Variants in NELL2 observed in about 807,000 individuals in gnomAD.
NELL2 encodes the protein protein kinase C-binding protein NELL2.
In NELL2, 41 loss-of-function variants were observed where a neutral mutation model predicts 109.6. That is an observed-to-expected ratio of 0.37 (90% CI 0.29 to 0.49). The LOEUF (loss-of-function observed/expected upper bound fraction) is 0.49. Among genes scored for constraint, NELL2 ranks in the 20% least tolerant of loss-of-function variants. The pLI is 0.98. For synonymous variants in NELL2, 355 were observed against 344.7 expected, an observed-to-expected ratio of 1.03 and a Z score of -0.33; for missense variants, 900 against 1,008.3, an observed-to-expected ratio of 0.89 and a Z score of 1.45.
chr12:44,858,971 A>T (rs1051072751), intron 2 of NELL2, among the ~76,000 whole-genome samples: 15 of 152,218 alleles, frequency 9.9e-5, no homozygotes, highest in Non-Finnish European at 2.1e-4. Context: ...CAAAACACTC[A>T]ATACTTGATT....
chr12:44,654,324 C>CT (rs1947411989), intron 13 of NELL2, among the ~76,000 whole-genome samples: 1 of 152,134 alleles, frequency 6.6e-6, no homozygotes, highest in Admixed American at 6.5e-5. Context: ...TTTTACTACT[C>CT]TAACTCTCTC....
At chr12:44,856,108 G>A (rs570055891) in intron 2 of NELL2, among the ~76,000 whole-genome samples, 1 of 152,308 alleles carries the variant, frequency 6.6e-6, no homozygotes, top group East Asian at 1.9e-4. Context: ...ACCATGGTAG[G>A]CCAGGAGGCT....
intron 13 of NELL2, among the ~76,000 whole-genome samples, chr12:44,657,793 T>C (rs1218482471): frequency 6.6e-6 from 1 of 152,234 alleles, no homozygotes; most frequent in African/African-American, 2.4e-5. Context: ...CCCATGTCCC[T>C]GCAAAGGACA....
chr12:44,568,244 C>G (rs1017846786), intron 15 of NELL2, among the ~76,000 whole-genome samples: 2 of 152,110 alleles, frequency 1.3e-5, no homozygotes, highest in Non-Finnish European at 2.9e-5. Context: ...AGCAGAGTAT[C>G]ACAATTTCAT....
Position 44,600,127 on chromosome 12 carries a change from A to T in NELL2, c.1663+7042T>A, listed in dbSNP as rs967164721. 4.1e-4 allele frequency among the ~76,000 whole-genome samples: 54 copies of T among 132,218 alleles called. 1 individual carries two copies. Among genetic ancestry groups the T allele is most frequent in the Middle Eastern group, 3.6e-3 (1 of 276 alleles). The allele number at this position is 132,218 out of a possible 152,430, so 86.7% of individuals were successfully genotyped here. A position where few individuals can be genotyped will look rare whatever the true frequency, so the allele number is the denominator to read the frequency against. ...CAGGCGCCCGCCAGCACGCCCGGCTAATTTATTTATTTATTTATTTATTTA... is the reference window on the plus strand; with the variant it reads ...CAGGCGCCCGCCAGCACGCCCGGCTTATTTATTTATTTATTTATTTATTTA... On this transcript the variant is annotated intron_variant, in intron 15 of 19. Transcript: ENST00000429094.
intron 15 of NELL2, among the ~76,000 whole-genome samples, chr12:44,559,872 T>C (rs957244557): frequency 1.3e-5 from 2 of 152,158 alleles, no homozygotes; most frequent in Admixed American, 6.5e-5. Context: ...CAACAGAATA[T>C]ACATTCTTCT....
At chr12:44,528,927 T>C (rs1941922655) in intron 16 of NELL2, among the ~76,000 whole-genome samples, 1 of 152,218 alleles carries the variant, frequency 6.6e-6, no homozygotes, top group African/African-American at 2.4e-5. Context: ...CTGTTTCATA[T>C]ATTTTAGAAA....
intron 13 of NELL2, among the ~76,000 whole-genome samples, chr12:44,645,035 T>C (rs1246327179): frequency 6.6e-6 from 1 of 151,808 alleles, no homozygotes; most frequent in Non-Finnish European, 1.5e-5. Flanking sequence ...GAGCCAACTA[T>C]GGAAAAGGAG....
chr12:44,521,873 G>A, intron 18 of NELL2, 127 bp downstream of exon 18: 1 of 856,888 alleles, frequency 1.2e-6, no homozygotes, highest in Non-Finnish European at 1.8e-6. Flanking sequence ...TCCTAACCAG[G>A]CTCACTGTTT....
chr12:44,873,219 A>G (rs1207378946), intron 2 of NELL2, among the ~76,000 whole-genome samples: 4 of 152,176 alleles, frequency 2.6e-5, no homozygotes, highest in Non-Finnish European at 4.4e-5. Flanking sequence ...CTCATAAACC[A>G]TATTTGTTAG....
intron 3 of NELL2, among the ~76,000 whole-genome samples, chr12:44,786,409 T>C (rs2408055): frequency 0.24 from 35,796 of 151,866 alleles, 4,441 homozygotes; most frequent in South Asian, 0.3. Flanking sequence ...GAAATAGGAA[T>C]GATTTTACAT....
chr12:44,769,187 G>A (rs1298051939), intron 9 of NELL2, among the ~76,000 whole-genome samples: 1 of 151,994 alleles, frequency 6.6e-6, no homozygotes, highest in African/African-American at 2.4e-5. Flanking sequence ...AAGGTGACAG[G>A]ACTAGAATCA....
At chr12:44,779,229 T>A (rs1941864789) in intron 5 of NELL2, among the ~76,000 whole-genome samples, 1 of 152,322 alleles carries the variant, frequency 6.6e-6, no homozygotes, top group African/African-American at 2.4e-5. Context: ...TGTGCACATA[T>A]GTGTATTCCT....
chr12:44,648,710 C>CAT (rs1187414211), intron 13 of NELL2, among the ~76,000 whole-genome samples: 5,098 of 117,522 alleles, frequency 0.043, 188 homozygotes, highest in Non-Finnish European at 0.066. Context: ...ACAATGCCAT[C>CAT]ATATATATAT....
chr12:44,626,908 T>C (rs1946287896), intron 13 of NELL2, among the ~76,000 whole-genome samples: 1 of 152,232 alleles, frequency 6.6e-6, no homozygotes, highest in Admixed American at 6.5e-5. Flanking sequence ...ATTTTGTTTT[T>C]TAGAAAAGCC....
chr12:44,762,382 C>G (rs1389123103), intron 9 of NELL2, among the ~76,000 whole-genome samples: 1 of 152,136 alleles, frequency 6.6e-6, no homozygotes, highest in Admixed American at 6.6e-5. Context: ...CATTTCTCAC[C>G]ATTAAAATTC....
At chr12:44,815,961 A>G in intron 3 of NELL2, 25 bp downstream of exon 3, 1 of 1,597,028 alleles carries the variant, frequency 6.3e-7, no homozygotes, top group Non-Finnish European at 8.5e-7. Context: ...ATGAAAACAC[A>G]GGAAACTCCA....
intron 8 of NELL2, 47 bp downstream of exon 8, chr12:44,775,975 T>C: frequency 6.3e-7 from 1 of 1,591,682 alleles, no homozygotes; most frequent in South Asian, 1.1e-5. Context: ...TTTTAAAGAG[T>C]GGGAGCATCT....
intron 11 of NELL2, among the ~76,000 whole-genome samples, chr12:44,705,174 G>T (rs962448888): frequency 8.6e-5 from 13 of 151,966 alleles, no homozygotes; most frequent in African/African-American, 2.7e-4. Context: ...GTGTTCATTC[G>T]ATTAGAATTC....
Sources: gnomAD v4.1 joint callset for allele counts (sites outside exome capture counted in the v4.1 genomes callset) on GRCh38, gnomAD v4.1.1 for gene constraint, MANE v1.5 for transcripts, NCBI Gene and HGNC (gene_info 2026-07-23, HGNC 2026-07-21) for gene names.